Variants in ZNF385C observed in about 807,000 individuals in gnomAD.
ZNF385C encodes CTD-2132N18.2.
A neutral mutation model predicts 35.4 loss-of-function variants in ZNF385C; 28 were observed. The observed-to-expected ratio is 0.79, with a 90% CI of 0.59 to 1.08. The LOEUF is 1.08. ZNF385C is among the 50% of genes least tolerant of loss of function. ZNF385C has a pLI of 0.00. For missense variants in ZNF385C, 605 were observed against 595.6 expected (o/e 1.02, Z -0.16); for synonymous variants, 248 against 248.2 (o/e 1.00, Z 0.01).
intron 1 of ZNF385C, among the ~76,000 whole-genome samples, chr17:42,089,727 G>A (rs1400961053): frequency 6.6e-6 from 1 of 152,178 alleles, no homozygotes; most frequent in African/African-American, 2.4e-5. Context: ...CGTGTCAAGA[G>A]CCTGCAGCCC....
chr17:42,096,547 G>A (rs2053919715), intron 1 of ZNF385C, among the ~76,000 whole-genome samples: 1 of 152,190 alleles, frequency 6.6e-6, no homozygotes, highest in South Asian at 2.1e-4. Context: ...TCAGGCCAGG[G>A]CCTGAAGCTG....
At chr17:42,042,419 G>A (rs2053045987) in intron 2 of ZNF385C, among the ~76,000 whole-genome samples, 1 of 152,126 alleles carries the variant, frequency 6.6e-6, no homozygotes, top group African/African-American at 2.4e-5. Flanking sequence ...CTAATAGGGA[G>A]GCTGAGGCAG....
chr17:42,094,611 C>T (rs912383018), intron 1 of ZNF385C, among the ~76,000 whole-genome samples: 1 of 152,132 alleles, frequency 6.6e-6, no homozygotes, highest in Non-Finnish European at 1.5e-5. Context: ...GGAAAGGACA[C>T]AGATGGGGAG....
At position 42,027,599 on chromosome 17, in the gene ZNF385C, G is replaced by A. The variant is rs1555654392; in HGVS notation, c.1275+19C>T. ...CCCCTCCTGACCCAGTCCCAGCTCTGTTGCCTGGAGACAGATACCTTGAGG... is the reference window on the plus strand; with the variant it reads ...CCCCTCCTGACCCAGTCCCAGCTCTATTGCCTGGAGACAGATACCTTGAGG... On this transcript the variant is annotated intron_variant, in intron 8 of 8. Coordinates refer to ENST00000692273, the MANE Select transcript of ZNF385C (RefSeq NM_001392013.1). 3 of 1,392,012 alleles carry A rather than the reference G, an allele frequency of 2.2e-6. No homozygotes were observed. The South Asian group carries it at 3.7e-5, about 17-fold the overall frequency. 86.2% of individuals were successfully genotyped at this position (1,392,012 alleles called of 1,614,324 possible). A position where few individuals can be genotyped will look rare whatever the true frequency, so the allele number is the denominator to read the frequency against.
At chr17:42,030,966 G>A (rs561430802) in intron 5 of ZNF385C, among the ~76,000 whole-genome samples, 1 of 149,860 alleles carries the variant, frequency 6.7e-6, no homozygotes, top group African/African-American at 2.5e-5. Flanking sequence ...TGCTGTCAAC[G>A]CCTTGATTTC....
rs929836152 is a variant in ZNF385C at position 42,026,920 on chromosome 17, G to T, written c.1489C>A (p.Pro497Thr). Residue 497 changes from proline (P) to threonine (T), a missense_variant, in exon 9 of 9, where the codon CCT becomes ACT. Transcript: ENST00000692273. ...PAGAVRPATG[P>T]IVLAPY ...GGCTAATAAGGGGCAAGGACGATAG[G>T]TCCTGTGGCAGGGCGGACAGCTCCT... 1 of 1,602,418 alleles carries T rather than the reference G, an allele frequency of 6.2e-7. No individual in the cohort carries two copies. The highest frequency in any genetic ancestry group is 8.5e-7 in the Non-Finnish European group (1 of 1,174,370).
chr17:42,038,220 A>G (rs1322432537), intron 2 of ZNF385C: 7 of 614,594 alleles, frequency 1.1e-5, no homozygotes, highest in Non-Finnish European at 1.9e-5. Context: ...ACACACCACC[A>G]TGGAGACTGC....
intron 4 of ZNF385C, among the ~76,000 whole-genome samples, chr17:42,032,059 GTTTTTGT>G (rs1555655049): frequency 2.0e-5 from 3 of 151,932 alleles, no homozygotes; most frequent in Non-Finnish European, 4.4e-5. Context: ...TGTTGTTGTT[GTTTTTGT>G]TTTTTGTTTT....
chr17:42,080,090 G>A (rs782269149), intron 1 of ZNF385C, among the ~76,000 whole-genome samples: 1 of 152,188 alleles, frequency 6.6e-6, no homozygotes. Flanking sequence ...GGCCAGAGCT[G>A]GAAGAAAGGA....
At chr17:42,046,272 T>C (rs2053158729) in intron 2 of ZNF385C, among the ~76,000 whole-genome samples, 1 of 152,058 alleles carries the variant, frequency 6.6e-6, no homozygotes, top group South Asian at 2.1e-4. Context: ...GGCACACAGA[T>C]ACCTCTCAGT....
At chr17:42,083,459 G>A (rs1198029562) in intron 1 of ZNF385C, among the ~76,000 whole-genome samples, 4 of 151,696 alleles carry the variant, frequency 2.6e-5, no homozygotes, top group East Asian at 1.9e-4. Flanking sequence ...CACCCACCTC[G>A]GCCTCCGAAA....
At chr17:42,032,714 A>G (rs1598179640) in intron 4 of ZNF385C, among the ~76,000 whole-genome samples, 1 of 148,500 alleles carries the variant, frequency 6.7e-6, no homozygotes, top group Non-Finnish European at 1.5e-5. Flanking sequence ...TCTCTCCTCC[A>G]TCTTTTTTTT....
intron 1 of ZNF385C, among the ~76,000 whole-genome samples, chr17:42,094,139 G>A (rs181934084): frequency 1.4e-3 from 215 of 151,948 alleles, no homozygotes; most frequent in African/African-American, 4.7e-3. Flanking sequence ...ATGCGCCACC[G>A]CGCCCAGCTA....
chr17:42,028,752 T>TC, intron 6 of ZNF385C, 31 bp downstream of exon 6: 8 of 1,533,918 alleles, frequency 5.2e-6, no homozygotes, highest in Non-Finnish European at 7.0e-6. Context: ...TCCCACCCTT[T>TC]CCCTGGGCTC....
At chr17:42,034,677 G>T (rs546620641) in intron 3 of ZNF385C, among the ~76,000 whole-genome samples, 2 of 151,052 alleles carry the variant, frequency 1.3e-5, no homozygotes, top group African/African-American at 2.4e-5. Context: ...TCAGCTACTC[G>T]GGAGGCTGAG....
rs1276384373 is a variant in ZNF385C at position 42,095,726 on chromosome 17, C to T, written c.-3+2684G>A. 3.9e-5 allele frequency among the ~76,000 whole-genome samples: 6 copies of T among 152,112 alleles called. No individual in the cohort carries two copies. Among genetic ancestry groups the T allele is most frequent in the African/African-American group, 1.4e-4 (6 of 41,414 alleles). ...CAATCTTCATTTCACCTTGAAACTC[C>T]GTCCTGGTCCAGGTAAGCATGTTCT... On this transcript the variant is annotated intron_variant, in intron 1 of 8. Coordinates refer to ENST00000692273, the MANE Select transcript of ZNF385C (RefSeq NM_001392013.1). This position sits in a 1 kb window ranked among gnomAD's most constrained non-coding sequence, Gnocchi z 4.4.
chr17:42,053,805 C>T (rs2053326990), intron 2 of ZNF385C, among the ~76,000 whole-genome samples: 1 of 152,116 alleles, frequency 6.6e-6, no homozygotes, highest in East Asian at 1.9e-4. Context: ...TAAGCCCTCT[C>T]CCCACTTCCC....
At chr17:42,029,948 C>T (rs139096439) in intron 5 of ZNF385C, among the ~76,000 whole-genome samples, 16 of 149,928 alleles carry the variant, frequency 1.1e-4, no homozygotes, top group African/African-American at 3.0e-4. Context: ...GCAGGAGAAT[C>T]GCTTGAGAGC....
chr17:42,082,980 G>A (rs1480880096), intron 1 of ZNF385C, among the ~76,000 whole-genome samples: 2 of 152,000 alleles, frequency 1.3e-5, no homozygotes, highest in African/African-American at 4.8e-5. Flanking sequence ...TGGAGGCTGA[G>A]GCAGGAGAAT....
Sources: gnomAD v4.1 joint callset for allele counts (sites outside exome capture counted in the v4.1 genomes callset) on GRCh38, gnomAD v4.1.1 for gene constraint, Gnocchi (gnomAD v3.1) non-coding constraint, MANE v1.5 for transcripts, NCBI Gene and HGNC (gene_info 2026-07-23, HGNC 2026-07-21) for gene names.